Variants in KIAA1217 observed in about 807,000 individuals in gnomAD.
KIAA1217 encodes KIAA1217.
Under a neutral mutation model 163.9 loss-of-function variants are expected in KIAA1217, and 88 were observed. The observed-to-expected ratio is 0.54, with a 90% CI of 0.45 to 0.64. The LOEUF (loss-of-function observed/expected upper bound fraction) is 0.64. Ranked by LOEUF, KIAA1217 falls within the 30% of genes least tolerant of loss-of-function variation. The pLI, the probability that KIAA1217 is intolerant of heterozygous loss-of-function variation, is 0.00. For missense variants in KIAA1217, 2,372 were observed against 2,475.0 expected (o/e 0.96, Z 0.88); for synonymous variants, 903 against 923.1 (o/e 0.98, Z 0.39).
intron 1 of KIAA1217, among the ~76,000 whole-genome samples, chr10:23,754,234 A>G (rs1233146646): frequency 6.6e-6 from 1 of 152,236 alleles, no homozygotes; most frequent in African/African-American, 2.4e-5. Context: ...AAGGCAATGC[A>G]TGGGTGCATC....
chr10:23,827,583 G>A (rs1047432432), intron 1 of KIAA1217, among the ~76,000 whole-genome samples: 3 of 152,230 alleles, frequency 2.0e-5, no homozygotes, highest in Admixed American at 6.5e-5. Context: ...GAACAGAGCA[G>A]TAAGGACGAT....
At chr10:24,070,301 G>A (rs945745895) in intron 2 of KIAA1217, among the ~76,000 whole-genome samples, 1 of 146,812 alleles carries the variant, frequency 6.8e-6, no homozygotes. Context: ...AAAAAAAAGA[G>A]ATATTAATAT....
At chr10:23,854,950 G>T (rs1839570817) in intron 1 of KIAA1217, among the ~76,000 whole-genome samples, 1 of 152,056 alleles carries the variant, frequency 6.6e-6, no homozygotes, top group Admixed American at 6.6e-5. Context: ...CACACTGATG[G>T]GTCTTGACTC....
At chr10:23,947,042 C>T (rs1034290841) in intron 1 of KIAA1217, among the ~76,000 whole-genome samples, 2 of 152,096 alleles carry the variant, frequency 1.3e-5, no homozygotes, top group African/African-American at 4.8e-5. Context: ...TGACGCTTCT[C>T]CTTGCTGCCA....
intron 2 of KIAA1217, among the ~76,000 whole-genome samples, chr10:24,110,334 G>A (rs184523528): frequency 2.6e-5 from 4 of 152,226 alleles, no homozygotes; most frequent in East Asian, 1.9e-4. Context: ...TTCAGTGCTC[G>A]TGGGGAGCCA....
intron 1 of KIAA1217, among the ~76,000 whole-genome samples, chr10:23,757,159 G>A (rs1057161920): frequency 1.3e-5 from 2 of 151,888 alleles, no homozygotes; most frequent in African/African-American, 4.8e-5. Flanking sequence ...TTTAGTTATT[G>A]CGATTAATGC....
chr10:23,852,182 A>G (rs1253236055), intron 1 of KIAA1217, among the ~76,000 whole-genome samples: 2 of 152,030 alleles, frequency 1.3e-5, no homozygotes, highest in African/African-American at 4.8e-5. Context: ...ATCTTGAATT[A>G]ATTTTTGTAT....
At chr10:23,771,481 G>C (rs1205717955) in intron 1 of KIAA1217, among the ~76,000 whole-genome samples, 2 of 152,160 alleles carry the variant, frequency 1.3e-5, no homozygotes, top group Non-Finnish European at 2.9e-5. Flanking sequence ...CAAGCATACT[G>C]GTAAGTCTTG....
At chr10:24,027,272 A>C (rs1307824933) in intron 2 of KIAA1217, among the ~76,000 whole-genome samples, 1 of 152,106 alleles carries the variant, frequency 6.6e-6, no homozygotes, top group East Asian at 1.9e-4. Flanking sequence ...GAAACTCTTC[A>C]GATGGTGACC....
chr10:24,057,207 A>C (rs2060560897), intron 2 of KIAA1217, among the ~76,000 whole-genome samples: 1 of 152,238 alleles, frequency 6.6e-6, no homozygotes, highest in Non-Finnish European at 1.5e-5. Flanking sequence ...TGATCTTGCC[A>C]CTGCACTCCA....
intron 2 of KIAA1217, among the ~76,000 whole-genome samples, chr10:24,035,388 G>T (rs2131545738): frequency 6.6e-6 from 1 of 152,150 alleles, no homozygotes; most frequent in East Asian, 1.9e-4. Context: ...TTTTTGTCTT[G>T]GGGTACCTGA....
chr10:24,486,250 C>T (rs1564776487), intron 6 of KIAA1217, among the ~76,000 whole-genome samples: 4 of 152,292 alleles, frequency 2.6e-5, no homozygotes, highest in South Asian at 4.1e-4. Flanking sequence ...AGACCTTTCA[C>T]GTCCAACCTC....
chr10:24,030,425 C>T (rs574942582), intron 2 of KIAA1217, among the ~76,000 whole-genome samples: 3 of 152,194 alleles, frequency 2.0e-5, no homozygotes, highest in African/African-American at 7.2e-5. Context: ...CCTGCCAACA[C>T]GTAAGAAGTG....
intron 1 of KIAA1217, among the ~76,000 whole-genome samples, chr10:23,834,990 T>A (rs1270292979): frequency 6.6e-6 from 1 of 152,068 alleles, no homozygotes; most frequent in African/African-American, 2.4e-5. Context: ...GAGTAGGAAG[T>A]TGAACAAATG....
At chr10:24,285,516 G>A (rs186407475) in intron 2 of KIAA1217, among the ~76,000 whole-genome samples, 3 of 152,224 alleles carry the variant, frequency 2.0e-5, no homozygotes, top group Non-Finnish European at 4.4e-5. Context: ...AAGATCAGTT[G>A]GTTGTTGCTG....
At chr10:24,020,295 A>T (rs1325059856) in intron 2 of KIAA1217, among the ~76,000 whole-genome samples, 3 of 152,132 alleles carry the variant, frequency 2.0e-5, no homozygotes, top group Non-Finnish European at 4.4e-5. Context: ...AAAATCAGCA[A>T]CTTAATTGTC....
At chr10:24,324,676 CT>C (rs1350284733) in intron 2 of KIAA1217, among the ~76,000 whole-genome samples, 6 of 152,144 alleles carry the variant, frequency 3.9e-5, no homozygotes, top group African/African-American at 1.2e-4. Context: ...ATTTTTCCCC[CT>C]AGACTATGGC....
intron 1 of KIAA1217, among the ~76,000 whole-genome samples, chr10:23,944,989 G>A (rs1306931446): frequency 1.3e-5 from 2 of 151,598 alleles, no homozygotes; most frequent in East Asian, 3.9e-4. Context: ...AACCTGGGAG[G>A]CGGAGGTTGC....
intron 1 of KIAA1217, among the ~76,000 whole-genome samples, chr10:23,818,245 T>C (rs1444141011): frequency 2.8e-5 from 4 of 142,926 alleles, no homozygotes; most frequent in Non-Finnish European, 6.1e-5. Context: ...ATATTATACA[T>C]AATATATATT....
Sources: gnomAD v4.1 joint callset for allele counts (sites outside exome capture counted in the v4.1 genomes callset) on GRCh38, gnomAD v4.1.1 for gene constraint, MANE v1.5 for transcripts, NCBI Gene and HGNC (gene_info 2026-07-23, HGNC 2026-07-21) for gene names.